Variants in PRKCH observed in about 807,000 individuals in gnomAD.
The protein encoded by PRKCH is protein kinase C eta type.
PRKCH carries 28 observed loss-of-function variants against 82.5 expected under a neutral mutation model. The observed-to-expected ratio is 0.34, with a 90% CI of 0.25 to 0.47. PRKCH has a LOEUF of 0.47. PRKCH is among the 20% of genes least tolerant of loss of function. The pLI is 1.00. For synonymous variants in PRKCH, 322 were observed against 327.4 expected (o/e 0.98, Z 0.18); for missense variants, 705 against 881.8 (o/e 0.80, Z 2.54).
intron 1 of PRKCH, among the ~76,000 whole-genome samples, chr14:61,323,596 T>C (rs181856074): frequency 5.9e-5 from 9 of 152,350 alleles, no homozygotes; most frequent in Admixed American, 5.9e-4. Context: ...TTTTATACTT[T>C]GTGGAATTAG....
At chr14:61,425,521 G>T (rs1883061399) in intron 2 of PRKCH, among the ~76,000 whole-genome samples, 1 of 152,160 alleles carries the variant, frequency 6.6e-6, no homozygotes, top group African/African-American at 2.4e-5. Flanking sequence ...ATTTGGAATG[G>T]GTGTTCTTAT....
In PRKCH at chr14:61,397,484, T is replaced by A. The variant is rs113707285; in HGVS notation, c.427+6196T>A. ...GGATAAAGAGGCCCATTGAGAAGAT[T>A]TAGCAAGAAAACCAGCAAGGCTGAC... is the stretch of plus-strand genomic sequence containing the variant. On this transcript the variant is annotated intron_variant, in intron 2 of 13. Transcript: ENST00000332981. Among the ~76,000 whole-genome samples the A allele has an allele frequency of 4.8e-3, 735 of 152,320 alleles. 4 individuals are homozygous for A. The highest frequency in any genetic ancestry group is 0.017 in the African/African-American group (691 of 41,572).
rs77786942 is a variant in PRKCH at position 61,343,137 on chromosome 14, C to A, written c.363+20673C>A. Among the ~76,000 whole-genome samples, 937 of 152,296 alleles carry A rather than the reference C, an allele frequency of 6.2e-3. 11 individuals carry two copies. Among genetic ancestry groups the A allele is most frequent in the African/African-American group, 0.022 (900 of 41,562 alleles). ...TCGCTACTTAACTGGACTTGACTTT[C>A]AAGGCCTGATTGGCGTTTCCAGTAT... On this transcript the variant is annotated intron_variant, in intron 1 of 13. Transcript: ENST00000332981.
chr14:61,445,936 G>T (rs775481110), intron 4 of PRKCH, among the ~76,000 whole-genome samples: 1 of 152,080 alleles, frequency 6.6e-6, no homozygotes, highest in Non-Finnish European at 1.5e-5. Flanking sequence ...TATTTCTAAA[G>T]CCAGGATACC....
intron 1 of PRKCH, among the ~76,000 whole-genome samples, chr14:61,256,108 C>T (rs2044995832): frequency 6.6e-6 from 1 of 152,082 alleles, no homozygotes; most frequent in Admixed American, 6.6e-5. Flanking sequence ...TTTTACTCAT[C>T]GATTTAAATT....
At chr14:61,543,693 T>C (rs770386395) in intron 12 of PRKCH, 4 of 152,214 alleles carry the variant, frequency 2.6e-5, no homozygotes, top group Non-Finnish European at 5.9e-5. Flanking sequence ...TGGATGAAAG[T>C]GATGGCCCCG....
At chr14:61,489,758 G>A (rs2140336260) in intron 10 of PRKCH, among the ~76,000 whole-genome samples, 1 of 152,342 alleles carries the variant, frequency 6.6e-6, no homozygotes, top group Middle Eastern at 3.4e-3. Context: ...TACTCATGGT[G>A]TTGACTTTTT....
chr14:61,201,864 G>GA (rs371592923), intron 1 of PRKCH, among the ~76,000 whole-genome samples: 2,226 of 151,038 alleles, frequency 0.015, 27 homozygotes, highest in African/African-American at 0.03. Context: ...TGACTACCAG[G>GA]AAAAAAAAAC....
intron 1 of PRKCH, chr14:61,278,632 A>G (rs1321666394): frequency 1.3e-5 from 2 of 152,258 alleles, no homozygotes; most frequent in African/African-American, 4.8e-5. Context: ...CAAATACCAA[A>G]TAACTGTTTG....
At chr14:61,530,922 C>T (rs2043037540) in intron 12 of PRKCH, among the ~76,000 whole-genome samples, 2 of 152,178 alleles carry the variant, frequency 1.3e-5, no homozygotes, top group African/African-American at 4.8e-5. Context: ...CAGGCCACAC[C>T]AGAGTTTTGG....
intron 1 of PRKCH, among the ~76,000 whole-genome samples, chr14:61,224,836 CAA>C (rs2044684524): frequency 1.3e-5 from 2 of 152,178 alleles, no homozygotes; most frequent in Admixed American, 1.3e-4. Context: ...CAGCTGCACT[CAA>C]GAGTGTCTAC....
At chr14:61,425,541 G>A (rs551205475) in intron 2 of PRKCH, among the ~76,000 whole-genome samples, 1 of 152,338 alleles carries the variant, frequency 6.6e-6, no homozygotes, top group South Asian at 2.1e-4. Flanking sequence ...TCCAGTGCCT[G>A]TACCACCATT....
At chr14:61,453,729 C>T (rs1017142413) in intron 7 of PRKCH, among the ~76,000 whole-genome samples, 7 of 151,756 alleles carry the variant, frequency 4.6e-5, no homozygotes, top group Non-Finnish European at 8.8e-5. Context: ...TTATGGTTCT[C>T]TGCAGACTCG....
intron 10 of PRKCH, among the ~76,000 whole-genome samples, chr14:61,518,599 T>A (rs184621218): frequency 8.6e-4 from 130 of 151,742 alleles, no homozygotes; most frequent in Admixed American, 2.8e-3. Context: ...GCGAATGGGG[T>A]TTTTTGGGTA....
chr14:61,499,595 G>A (rs1009319908), intron 10 of PRKCH, among the ~76,000 whole-genome samples: 6 of 152,164 alleles, frequency 3.9e-5, no homozygotes, highest in African/African-American at 1.4e-4. Context: ...GCTCTACCCT[G>A]TTCTTGGCAT....
intron 1 of PRKCH, among the ~76,000 whole-genome samples, chr14:61,391,010 GGAAGGAAACT>G (rs2046670694): frequency 6.6e-6 from 1 of 152,158 alleles, no homozygotes; most frequent in South Asian, 2.1e-4. Flanking sequence ...AAATTCAAGA[GGAAGGAAACT>G]GATAAAATGT....
intron 12 of PRKCH, chr14:61,543,776 A>C (rs2043217473): frequency 6.6e-6 from 1 of 152,224 alleles, no homozygotes; most frequent in South Asian, 2.1e-4. Context: ...AGTTTTCTGC[A>C]AAAGGATTAT....
chr14:61,261,366 C>A (rs936623017), intron 1 of PRKCH, among the ~76,000 whole-genome samples: 2 of 152,190 alleles, frequency 1.3e-5, no homozygotes, highest in Admixed American at 6.5e-5. Flanking sequence ...GGGAATTGGG[C>A]AGGCATTTCT....
At chr14:61,453,706 T>G (rs2140290495) in intron 7 of PRKCH, among the ~76,000 whole-genome samples, 1 of 151,848 alleles carries the variant, frequency 6.6e-6, no homozygotes, top group Non-Finnish European at 1.5e-5. Flanking sequence ...CAGGCTGGAG[T>G]GCAGTGGCAC....
Sources: allele counts gnomAD v4.1 joint callset (sites outside exome capture counted in the v4.1 genomes callset), GRCh38; gene constraint gnomAD v4.1.1; transcripts MANE v1.5; gene names NCBI Gene and HGNC (gene_info 2026-07-23, HGNC 2026-07-21).